LETM1: variants seen among roughly 807,000 people sequenced by gnomAD.
The protein encoded by LETM1 is mitochondrial proton/calcium exchanger protein.
Under a neutral mutation model 74.5 loss-of-function variants are expected in LETM1, and 50 were observed. The ratio of observed to expected loss-of-function variants is 0.67; its 90% CI spans 0.53 to 0.85. LETM1 has a LOEUF of 0.85. LETM1 is among the 40% of genes least tolerant of loss of function. The pLI is 0.00. For missense variants in LETM1, 824 were observed against 967.8 expected (o/e 0.85, Z 1.97); for synonymous variants, 446 against 407.1 (o/e 1.10, Z -1.15).
intron 2 of LETM1, among the ~76,000 whole-genome samples, chr4:1,845,539 CTTTT>C (rs565953029): frequency 2.2e-5 from 3 of 137,428 alleles, no homozygotes; most frequent in South Asian, 2.3e-4. Flanking sequence ...ATTCTTTTTT[CTTTT>C]TTTTTTCTTT....
At position 1,836,745 on chromosome 4, in the gene LETM1, C is replaced by G. The variant is rs1311747203; in HGVS notation, c.595-173G>C. ...CTTAGCAGACCATTCCCAAAACCCA[C>G]TTCTTTCTCAGGGTCCAAAGCAGGT... On this transcript the variant is annotated intron_variant, in intron 3 of 13. Coordinates refer to ENST00000302787, the MANE Select transcript of LETM1 (RefSeq NM_012318.3). The surrounding 1 kb of genome is among the most constrained non-coding windows in gnomAD (Gnocchi z 5.8). Among the ~76,000 whole-genome samples, 1 of 152,208 alleles carries G rather than the reference C, an allele frequency of 6.6e-6. No individual in the cohort carries two copies.
At chr4:1,837,909 G>T (rs1018975323) in intron 3 of LETM1, among the ~76,000 whole-genome samples, 1 of 151,732 alleles carries the variant, frequency 6.6e-6, no homozygotes, top group Non-Finnish European at 1.5e-5. Flanking sequence ...GTTTCACTAT[G>T]TTGGCCAGGC....
intron 7 of LETM1, 122 bp downstream of exon 7, chr4:1,825,442 G>A (rs1711949190): frequency 1.7e-6 from 2 of 1,210,772 alleles, no homozygotes; most frequent in Admixed American, 2.2e-5. Context: ...CGTCCCCAGA[G>A]AGGTCACAGT....
At chr4:1,848,358 CT>C (rs1430206083) in intron 2 of LETM1, among the ~76,000 whole-genome samples, 1 of 151,998 alleles carries the variant, frequency 6.6e-6, no homozygotes, top group African/African-American at 2.4e-5. Context: ...ACCATCCTGG[CT>C]AACACGGTGA....
rs965722862 is a variant in LETM1, at chr4:1,812,684, C to T, written c.*1740G>A. On this transcript the variant is annotated 3_prime_UTR_variant, in exon 14 of 14. Coordinates refer to ENST00000302787, the MANE Select transcript of LETM1 (RefSeq NM_012318.3). Reference sequence around the variant, plus strand: ...GAGGGAGAATGACGAGGGAGAATGACGAGGGAGCAAGCCTGCATCAGAGCA... The same window carrying T: ...GAGGGAGAATGACGAGGGAGAATGATGAGGGAGCAAGCCTGCATCAGAGCA... The T allele has an allele frequency of 6.6e-6, 1 of 152,280 alleles. No homozygotes were observed. The highest frequency in any genetic ancestry group is 2.4e-5 in the African/African-American group (1 of 41,402). The allele number at this position is 152,280 out of a possible 1,614,324, so 9.4% of individuals were successfully genotyped here.
At position 1,813,753 on chromosome 4, in the gene LETM1, G is replaced by A. The variant is rs192893688; in HGVS notation, c.*671C>T. 166 of 153,152 alleles carry A rather than the reference G, an allele frequency of 1.1e-3. No individual in the cohort carries two copies. The highest frequency in any genetic ancestry group is 9.6e-4 in the Non-Finnish European group (66 of 68,626). The allele number at this position is 153,152 out of a possible 1,614,324, so 9.5% of individuals were successfully genotyped here. A position where few individuals can be genotyped will look rare whatever the true frequency, so the allele number is the denominator to read the frequency against. ...GTGGGAAACTCTGTGCCAATTGACT[G>A]CTTAAAGAACTGGGGGAAATAGAAA... On this transcript the variant is annotated 3_prime_UTR_variant, in exon 14 of 14. Coordinates refer to ENST00000302787, the MANE Select transcript of LETM1 (RefSeq NM_012318.3).
intron 11 of LETM1, among the ~76,000 whole-genome samples, chr4:1,818,564 G>T (rs1230774037): frequency 6.6e-6 from 1 of 151,454 alleles, no homozygotes; most frequent in African/African-American, 2.4e-5. Flanking sequence ...AGTGAGTCGA[G>T]ATCACGCCAC....
At chr4:1,842,739 C>A (rs772609921) in intron 2 of LETM1, among the ~76,000 whole-genome samples, 7 of 152,244 alleles carry the variant, frequency 4.6e-5, no homozygotes, top group Non-Finnish European at 8.8e-5. Context: ...GTGCCATATC[C>A]ACCCACAGAA....
intron 7 of LETM1, among the ~76,000 whole-genome samples, 198 bp downstream of exon 7, chr4:1,825,366 G>A (rs1711945180): frequency 6.6e-6 from 1 of 152,270 alleles, no homozygotes; most frequent in Non-Finnish European, 1.5e-5. Context: ...GGCAATGAAA[G>A]GTGCGAATGC....
At chr4:1,830,910 G>A (rs1046143773) in intron 6 of LETM1, among the ~76,000 whole-genome samples, 4 of 152,256 alleles carry the variant, frequency 2.6e-5, no homozygotes, top group Admixed American at 6.5e-5. Context: ...TGGCATGGGC[G>A]GTGGGTATTC....
At position 1,818,612 on chromosome 4, in the gene LETM1, CAAAAAAA is replaced by C. The variant is rs1394890846; in HGVS notation, c.1743+719_1743+725del. Among the ~76,000 whole-genome samples, 16 of 139,200 alleles carry C rather than the reference CAAAAAAA, an allele frequency of 1.1e-4. No homozygotes were observed. In the Admixed American group the frequency reaches 1.2e-3, roughly 10 times the overall value. The allele number at this position is 139,200 out of a possible 152,430, so 91.3% of individuals were successfully genotyped here. A position where few individuals can be genotyped will look rare whatever the true frequency, so the allele number is the denominator to read the frequency against. On this transcript the variant is annotated intron_variant, in intron 11 of 13. Coordinates refer to ENST00000302787, the MANE Select transcript of LETM1 (RefSeq NM_012318.3). ...TGGGCGACAGAGCTAGACTTCGTCT[CAAAAAAA>C]GAAAAAAAGAAAGAAAGAAAGAAAA...
At chr4:1,837,940 C>T (rs1712513421) in intron 3 of LETM1, among the ~76,000 whole-genome samples, 1 of 151,948 alleles carries the variant, frequency 6.6e-6, no homozygotes, top group Non-Finnish European at 1.5e-5. Context: ...CTCCTGACCT[C>T]AGGTGATCTG....
intron 13 of LETM1, among the ~76,000 whole-genome samples, chr4:1,815,411 G>A (rs571766338): frequency 6.6e-6 from 1 of 152,356 alleles, no homozygotes; most frequent in East Asian, 1.9e-4. Flanking sequence ...TGGGGGCGGG[G>A]TCCAGGGACA....
chr4:1,817,960 T>G (rs1200598763), intron 11 of LETM1, among the ~76,000 whole-genome samples: 1 of 152,150 alleles, frequency 6.6e-6, no homozygotes, highest in Non-Finnish European at 1.5e-5. Context: ...TTGTATTTTT[T>G]GCAGAAATGG....
In LETM1 at chr4:1,815,021, G is replaced by A. The variant is rs569995978; in HGVS notation, c.2071-448C>T. Reference sequence around the variant, plus strand: ...AAACCAGCCAACACTTCTGTTAGACGTCTGGAAAATCACTAACCTGATGCA... The same window carrying A: ...AAACCAGCCAACACTTCTGTTAGACATCTGGAAAATCACTAACCTGATGCA... On this transcript the variant is annotated intron_variant, in intron 13 of 13. Coordinates refer to ENST00000302787, the MANE Select transcript of LETM1 (RefSeq NM_012318.3). Among the ~76,000 whole-genome samples, 13 of 152,352 alleles carry A rather than the reference G, an allele frequency of 8.5e-5. No individual in the cohort carries two copies. The South Asian group carries it at 1.0e-3, about 12-fold the overall frequency.
At chr4:1,833,377 C>T (rs533203594) in intron 5 of LETM1, 15 of 231,930 alleles carry the variant, frequency 6.5e-5, no homozygotes, top group African/African-American at 9.0e-5. Context: ...GGAAAGGTGG[C>T]GTCTGGCCTG....
At position 1,855,952 on chromosome 4, in the gene LETM1, T is replaced by G. The variant is rs1713228144; in HGVS notation, c.-2A>C. ...GCTCCTCAGTAAGATGGACGCCATGTGCTCGGGCGCGGCGGCCGCTCCGGC... is the reference window on the plus strand; with the variant it reads ...GCTCCTCAGTAAGATGGACGCCATGGGCTCGGGCGCGGCGGCCGCTCCGGC... On this transcript the variant is annotated 5_prime_UTR_variant, in exon 1 of 14. Coordinates refer to ENST00000302787, the MANE Select transcript of LETM1 (RefSeq NM_012318.3). 1 of 1,214,976 alleles carries G rather than the reference T, an allele frequency of 8.2e-7. No homozygotes were observed. The highest frequency in any genetic ancestry group is 3.4e-5 in the East Asian group (1 of 29,290). The allele number at this position is 1,214,976 out of a possible 1,614,324, so 75.3% of individuals were successfully genotyped here.
intron 6 of LETM1, among the ~76,000 whole-genome samples, chr4:1,829,888 G>A (rs182877913): frequency 2.5e-4 from 38 of 151,958 alleles, no homozygotes; most frequent in Admixed American, 1.8e-3. Context: ...ACACACACAC[G>A]ATGCCTTTCT....
intron 6 of LETM1, among the ~76,000 whole-genome samples, chr4:1,831,932 T>C (rs1560491465): frequency 6.6e-6 from 1 of 152,172 alleles, no homozygotes; most frequent in Non-Finnish European, 1.5e-5. Context: ...CTAGAGTTAG[T>C]GCATTCAAAA....
Sources: allele counts gnomAD v4.1 joint callset (sites outside exome capture counted in the v4.1 genomes callset), GRCh38; gene constraint gnomAD v4.1.1; non-coding constraint Gnocchi (gnomAD v3.1); transcripts MANE v1.5; gene names NCBI Gene and HGNC (gene_info 2026-07-23, HGNC 2026-07-21).